The following SYNE3 variants were observed in gnomAD, a reference collection of about 807,000 sequenced individuals.
The protein encoded by SYNE3 is spectrin repeat containing nuclear envelope family member 3.
In SYNE3, 100 loss-of-function variants were observed where a neutral mutation model predicts 111.2. That is an observed-to-expected ratio of 0.90 (90% confidence interval 0.77 to 1.06). The LOEUF (loss-of-function observed/expected upper bound fraction) is 1.06. Among genes scored for constraint, SYNE3 ranks in the 50% least tolerant of loss-of-function variants. SYNE3 has a pLI of 0.00. For synonymous variants in SYNE3, 547 were observed against 533.9 expected (o/e 1.02, Z -0.34); for missense variants, 1,160 against 1,240.3 (o/e 0.94, Z 0.97).
At chr14:95,442,711 G>A (rs905657275) in intron 11 of SYNE3, among the ~76,000 whole-genome samples, 6 of 152,196 alleles carry the variant, frequency 3.9e-5, no homozygotes, top group African/African-American at 9.6e-5. Flanking sequence ...GGGCACTGGC[G>A]ATGAAGCTCT....
chr14:95,424,708 G>A (rs1052975458), intron 17 of SYNE3, among the ~76,000 whole-genome samples: 1 of 152,192 alleles, frequency 6.6e-6, no homozygotes, highest in Non-Finnish European at 1.5e-5. Context: ...CAAGGAAACA[G>A]CAGGGAAACC....
intron 3 of SYNE3, 57 bp from the exon 4 acceptor site, chr14:95,466,297 G>A (rs1320164355): frequency 1.2e-5 from 18 of 1,514,930 alleles, no homozygotes; most frequent in African/African-American, 6.8e-5. Context: ...CTCCTGGGTC[G>A]GGGGTCTGTG....
At chr14:95,471,921 C>A (rs1888554917) in intron 2 of SYNE3, among the ~76,000 whole-genome samples, 2 of 152,202 alleles carry the variant, frequency 1.3e-5, no homozygotes, top group Admixed American at 1.3e-4. Context: ...TTTCCCTCAA[C>A]CCAGCCAAGA....
chr14:95,466,878 G>A (rs1045146775), intron 3 of SYNE3, among the ~76,000 whole-genome samples: 1 of 152,226 alleles, frequency 6.6e-6, no homozygotes, highest in Non-Finnish European at 1.5e-5. Context: ...CTGGGGTGAA[G>A]GAGGAGCTCC....
At chr14:95,463,054 G>C (rs957032891) in intron 4 of SYNE3, among the ~76,000 whole-genome samples, 1 of 152,152 alleles carries the variant, frequency 6.6e-6, no homozygotes, top group Admixed American at 6.5e-5. Context: ...TACTCGGGAG[G>C]CTGAGGCAGG....
At position 95,436,669 on chromosome 14, in the gene SYNE3, G is replaced by T. The variant is rs564438120; in HGVS notation, c.2538+151C>A. ...TGCCAGAAAAAGTTCTAAAATCTTT[G>T]AACCAAAAAAGTTTAAAAGCGATTA... On this transcript the variant is annotated intron_variant, in intron 15 of 17. Transcript: ENST00000682763. 3.4e-6 allele frequency: 3 copies of T among 892,772 alleles called. No individual in the cohort carries two copies. The East Asian group carries it at 7.9e-5, about 23-fold the overall frequency. The allele number at this position is 892,772 out of a possible 1,614,324, so 55.3% of individuals were successfully genotyped here.
At chr14:95,473,058 G>T (rs1888630535) in intron 2 of SYNE3, among the ~76,000 whole-genome samples, 1 of 152,184 alleles carries the variant, frequency 6.6e-6, no homozygotes, top group Admixed American at 6.5e-5. Flanking sequence ...GGCACTAGCT[G>T]CCCCCTCTTA....
Position 95,415,317 on chromosome 14 carries a change from G to C in SYNE3, c.*2509C>G, listed in dbSNP as rs1382515424. On this transcript the variant is annotated 3_prime_UTR_variant, in exon 18 of 18. Transcript: ENST00000682763. The stretch of plus-strand genomic sequence containing the variant: ...ACCCTGCCACTGCTCTGACTTCCAG[G>C]ACTGGACATCTGGGCTTGGCTGCCT... 1 of 106,212 alleles carries C rather than the reference G, an allele frequency of 9.4e-6. No homozygotes were observed. Among genetic ancestry groups the C allele is most frequent in the East Asian group, 3.1e-4 (1 of 3,278 alleles). The allele number at this position is 106,212 out of a possible 1,614,324, so 6.6% of individuals were successfully genotyped here.
intron 17 of SYNE3, among the ~76,000 whole-genome samples, chr14:95,419,990 GTC>G (rs772203894): frequency 2.6e-4 from 5 of 19,462 alleles, no homozygotes; most frequent in Non-Finnish European, 5.8e-4. Flanking sequence ...GGGCAGTTCT[GTC>G]TCTCTACCTC....
At chr14:95,472,405 C>G (rs776716933) in intron 2 of SYNE3, among the ~76,000 whole-genome samples, 6 of 152,160 alleles carry the variant, frequency 3.9e-5, no homozygotes, top group Non-Finnish European at 5.9e-5. Flanking sequence ...TATGCTGGAA[C>G]CTGGGAGTGT....
chr14:95,449,990 C>A lies in SYNE3; in HGVS notation c.1390G>T (p.Glu464Ter). 2 of 1,554,826 alleles carry A rather than the reference C, an allele frequency of 1.3e-6. No individual in the cohort carries two copies. The highest frequency in any genetic ancestry group is 1.7e-6 in the Non-Finnish European group (2 of 1,148,934). ...AGGTCCGGCAGGCTGGCAGTGACCT[C>A]CAAGAGCCGCTGGGCCAGGGCCTTC... ...LWKALAQRLLEVTASLPDLPS... is the reference protein window; with the variant it reads ...LWKALAQRLL The change falls in exon 8 of 18, where the codon GAG (glutamate) becomes TAG (stop). Residue 464 changes from glutamate to a stop codon, truncating the protein, a stop_gained. Transcript: ENST00000682763. LOFTEE classifies it high-confidence loss of function.
chr14:95,446,234 G>T, intron 8 of SYNE3, 143 bp from the exon 9 acceptor site: 1 of 953,408 alleles, frequency 1.0e-6, no homozygotes, highest in East Asian at 2.5e-5. Flanking sequence ...AACTCAAGTA[G>T]AAACAAAATG....
In SYNE3 at chr14:95,485,871, T is replaced by C. The variant is rs1889521413; in HGVS notation, c.-14-10036A>G. On this transcript the variant is annotated intron_variant, in intron 1 of 17. Coordinates refer to ENST00000682763, the MANE Select transcript of SYNE3 (RefSeq NM_152592.6). The surrounding 1 kb of genome is among the most constrained non-coding windows in gnomAD (Gnocchi z 4.3). ...GAGCTCAGCACCTGCTCTGAGTCAA[T>C]ATTAATGAATGCAACTTCTCCCACC... 6.6e-6 allele frequency among the ~76,000 whole-genome samples: 1 copy of C among 152,124 alleles called. No individual in the cohort carries two copies. Among genetic ancestry groups the C allele is most frequent in the Non-Finnish European group, 1.5e-5 (1 of 68,014 alleles).
chr14:95,497,765 C>T (rs1595257548), intron 1 of SYNE3, among the ~76,000 whole-genome samples: 1 of 126,746 alleles, frequency 7.9e-6, no homozygotes, highest in Admixed American at 7.4e-5. Flanking sequence ...GACTGCGTTC[C>T]AACAAAACTT....
chr14:95,434,688 G>A (rs143793728), intron 15 of SYNE3, among the ~76,000 whole-genome samples: 2,123 of 152,148 alleles, frequency 0.014, 22 homozygotes, highest in Non-Finnish European at 0.024. Context: ...ACAGAGTTTC[G>A]CTCTTGTTGC....
At chr14:95,501,141 G>A (rs892532310) in intron 1 of SYNE3, among the ~76,000 whole-genome samples, 1 of 152,226 alleles carries the variant, frequency 6.6e-6, no homozygotes, top group Non-Finnish European at 1.5e-5. Flanking sequence ...TGTCCACTCT[G>A]TGGAGCTGGT....
Position 95,439,669 on chromosome 14 carries a change from A to G in SYNE3, c.2189T>C (p.Leu730Pro), listed in dbSNP as rs1429109699. The G allele has an allele frequency of 1.2e-6, 2 of 1,613,790 alleles. No individual in the cohort carries two copies. The highest frequency in any genetic ancestry group is 1.7e-6 in the Non-Finnish European group (2 of 1,179,986). Residue 730 changes from leucine to proline, a missense_variant, in exon 13 of 18, where the codon CTC (leucine) becomes CCC (proline). Leu to Pro is a moderately conservative substitution (Grantham distance 98). Transcript: ENST00000682763. Reference sequence around the variant, plus strand: ...CCGCCACGACTCTGCCAGCTCCCTGAGCTCCTCCTGCACCACGGCAGCACC... The same window carrying G: ...CCGCCACGACTCTGCCAGCTCCCTGGGCTCCTCCTGCACCACGGCAGCACC... ...PEGAAVVQEELRELAESWRAL... is the reference protein window; with the variant it reads ...PEGAAVVQEEPRELAESWRAL...
At chr14:95,509,751 C>A (rs1030855357) in intron 1 of SYNE3, among the ~76,000 whole-genome samples, 1 of 152,240 alleles carries the variant, frequency 6.6e-6, no homozygotes, top group Non-Finnish European at 1.5e-5. Flanking sequence ...ATCCAACCAG[C>A]CATGGTGGCC....
intron 1 of SYNE3, among the ~76,000 whole-genome samples, chr14:95,490,033 A>T (rs758163347): frequency 3.3e-5 from 5 of 152,196 alleles, no homozygotes; most frequent in Non-Finnish European, 5.9e-5. Flanking sequence ...GTCAGAGTGG[A>T]GCAATAGTTC....
Sources: gnomAD v4.1 joint callset for allele counts (sites outside exome capture counted in the v4.1 genomes callset) on GRCh38, gnomAD v4.1.1 for gene constraint, Gnocchi (gnomAD v3.1) non-coding constraint, MANE v1.5 for transcripts, NCBI Gene and HGNC (gene_info 2026-07-23, HGNC 2026-07-21) for gene names.